The following TUSC3 variants were observed in gnomAD, a reference collection of about 807,000 sequenced individuals.
The protein encoded by TUSC3 is tumor suppressor candidate 3.
A neutral mutation model predicts 44.8 loss-of-function variants in TUSC3; 45 were observed. The ratio of observed to expected loss-of-function variants is 1.00; its 90% CI spans 0.79 to 1.29. TUSC3 has a LOEUF of 1.29. Among genes scored for constraint, TUSC3 ranks in the 50% most tolerant of loss-of-function variants. The pLI is 0.00. For synonymous variants in TUSC3, 212 were observed against 152.9 expected (o/e 1.39, Z -2.85); for missense variants, 519 against 437.9 (o/e 1.19, Z -1.65).
chr8:15,634,085 C>T (rs1471820774), intron 2 of TUSC3, among the ~76,000 whole-genome samples: 1 of 152,194 alleles, frequency 6.6e-6, no homozygotes, highest in African/African-American at 2.4e-5. Context: ...CAACCCATTC[C>T]TGGTATAGTT....
chr8:15,652,584 A>G (rs1806961203), intron 3 of TUSC3, among the ~76,000 whole-genome samples: 1 of 152,200 alleles, frequency 6.6e-6, no homozygotes, highest in Non-Finnish European at 1.5e-5. Flanking sequence ...TAATAGTAAT[A>G]ATAGTATCAT....
rs373686436 is a variant in TUSC3, at chr8:15,571,205, C to T, written c.138+30637C>T. On this transcript the variant is annotated intron_variant, in intron 1 of 10. Coordinates refer to ENST00000503731, the MANE Select transcript of TUSC3 (RefSeq NM_006765.4). ...CTGACTTCAGGGGATCCACCTGCCTCGGCCTCCCAAAGTGTTGGGATTACA... is the reference window on the plus strand; with the variant it reads ...CTGACTTCAGGGGATCCACCTGCCTTGGCCTCCCAAAGTGTTGGGATTACA... Among the ~76,000 whole-genome samples, 210 of 151,926 alleles carry T rather than the reference C, an allele frequency of 1.4e-3. 1 individual carries two copies. The highest frequency in any genetic ancestry group is 4.5e-3 in the African/African-American group (187 of 41,498).
Position 15,619,437 on chromosome 8 carries a change from G to A in TUSC3, c.139-3643G>A, listed in dbSNP as rs1025272070. On this transcript the variant is annotated intron_variant, in intron 1 of 10. Transcript: ENST00000503731. Reference sequence around the variant, plus strand: ...AGCAGAAAGAAAACAATTTAGAAGTGACAAAATTTTATCCTAGTTTTAACA... The same window carrying A: ...AGCAGAAAGAAAACAATTTAGAAGTAACAAAATTTTATCCTAGTTTTAACA... 2.6e-5 allele frequency among the ~76,000 whole-genome samples: 4 copies of A among 151,828 alleles called. No homozygotes were observed. The South Asian group carries it at 8.3e-4, about 32-fold the overall frequency.
intron 1 of TUSC3, among the ~76,000 whole-genome samples, chr8:15,550,194 GCTGT>G (rs946340626): frequency 2.0e-5 from 3 of 151,706 alleles, no homozygotes; most frequent in Non-Finnish European, 4.4e-5. Flanking sequence ...GTGGCACCGG[GCTGT>G]CTGTCTGTGG....
the TUSC3 span, among the ~76,000 whole-genome samples, chr8:15,798,649 T>TGGGG: frequency 3.5e-3 from 521 of 147,182 alleles, 2 homozygotes; most frequent in African/African-American, 0.013. Context: ...CCTGGGTGTG[T>TGGGG]GGGGGGGGTC....
intron 1 of TUSC3, among the ~76,000 whole-genome samples, chr8:15,472,514 T>C (rs1486195708): frequency 6.6e-6 from 1 of 152,218 alleles, no homozygotes; most frequent in Non-Finnish European, 1.5e-5. Context: ...TCAAAGCAGT[T>C]TAAAAACCTC....
chr8:15,690,601 C>T (rs928947090), intron 6 of TUSC3, among the ~76,000 whole-genome samples: 2 of 152,058 alleles, frequency 1.3e-5, no homozygotes, highest in South Asian at 4.1e-4. Flanking sequence ...ATGGTATTTC[C>T]TGTGTTATCT....
At chr8:15,835,076 T>G in the TUSC3 span, among the ~76,000 whole-genome samples, 1 of 152,170 alleles carries the variant, frequency 6.6e-6, no homozygotes, top group Non-Finnish European at 1.5e-5. Context: ...AACAATTTTT[T>G]GGGGGATAAT....
chr8:15,655,278 C>T (rs1807102670), intron 3 of TUSC3, among the ~76,000 whole-genome samples: 2 of 152,178 alleles, frequency 1.3e-5, no homozygotes, highest in Admixed American at 1.3e-4. Flanking sequence ...TAGGCTCAAG[C>T]ATGCGCACCA....
chr8:15,599,536 T>C (rs932784806), intron 1 of TUSC3, among the ~76,000 whole-genome samples: 1 of 151,706 alleles, frequency 6.6e-6, no homozygotes, highest in Non-Finnish European at 1.5e-5. Context: ...TCTTTTATGC[T>C]CTCTTATAGT....
At chr8:15,614,638 C>G (rs1250380774) in intron 1 of TUSC3, among the ~76,000 whole-genome samples, 2 of 151,992 alleles carry the variant, frequency 1.3e-5, no homozygotes, top group Non-Finnish European at 2.9e-5. Context: ...CTTTTTATTT[C>G]CTAGCAGTAT....
At chr8:15,718,198 AT>A (rs1226529118) in intron 6 of TUSC3, among the ~76,000 whole-genome samples, 4 of 152,236 alleles carry the variant, frequency 2.6e-5, no homozygotes, top group Non-Finnish European at 5.9e-5. Flanking sequence ...GAAAGTAAAG[AT>A]TAGTGATAAT....
intron 1 of TUSC3, among the ~76,000 whole-genome samples, chr8:15,568,387 C>A (rs1390822149): frequency 2.0e-5 from 3 of 152,094 alleles, no homozygotes; most frequent in Non-Finnish European, 4.4e-5. Context: ...GGAGTACTGA[C>A]AATACCAGTT....
At chr8:15,545,039 TACAC>T (rs987519960) in intron 1 of TUSC3, among the ~76,000 whole-genome samples, 2 of 151,846 alleles carry the variant, frequency 1.3e-5, no homozygotes, top group African/African-American at 4.8e-5. Context: ...TATTATGTGT[TACAC>T]ACATGTATAC....
chr8:15,651,398 T>A (rs559310650), intron 3 of TUSC3, among the ~76,000 whole-genome samples: 1 of 152,234 alleles, frequency 6.6e-6, no homozygotes, highest in Non-Finnish European at 1.5e-5. Flanking sequence ...TCTCTCTGTT[T>A]ATGGACTGAA....
chr8:15,644,342 A>C (rs922879681), intron 2 of TUSC3, among the ~76,000 whole-genome samples: 1 of 152,216 alleles, frequency 6.6e-6, no homozygotes, highest in South Asian at 2.1e-4. Flanking sequence ...CACTACATTC[A>C]TGAAGTTAGG....
chr8:15,826,790 T>A, the TUSC3 span, among the ~76,000 whole-genome samples: 1 of 152,130 alleles, frequency 6.6e-6, no homozygotes, highest in Admixed American at 6.6e-5. Context: ...AGATATCCTC[T>A]GACTGAAATT....
At chr8:15,826,998 G>T in the TUSC3 span, among the ~76,000 whole-genome samples, 1 of 152,148 alleles carries the variant, frequency 6.6e-6, no homozygotes, top group African/African-American at 2.4e-5. Context: ...TCAGAGTTCT[G>T]TTATAATATA....
chr8:15,834,521 G>A, the TUSC3 span, among the ~76,000 whole-genome samples: 3 of 152,106 alleles, frequency 2.0e-5, no homozygotes, highest in African/African-American at 7.2e-5. Flanking sequence ...CTATTGCAAG[G>A]TAAGTGCCTA....
Sources: allele counts gnomAD v4.1 joint callset (sites outside exome capture counted in the v4.1 genomes callset), GRCh38; gene constraint gnomAD v4.1.1; transcripts MANE v1.5; gene names NCBI Gene and HGNC (gene_info 2026-07-23, HGNC 2026-07-21).